KCND3: variants seen among roughly 807,000 people sequenced by gnomAD.
KCND3 encodes the protein potassium voltage-gated channel subfamily D member 3.
Under a neutral mutation model 51.1 loss-of-function variants are expected in KCND3, and 9 were observed. The ratio of observed to expected loss-of-function variants is 0.18; its 90% CI spans 0.11 to 0.31. The LOEUF is 0.31. Ranked by LOEUF, KCND3 falls within the 10% of genes least tolerant of loss-of-function variation. The probability of loss-of-function intolerance (pLI) is 1.00; values close to 1 mark genes in which losing one functional copy is unlikely to be tolerated. For synonymous variants in KCND3, 349 were observed against 368.0 expected, an observed-to-expected ratio of 0.95 and a Z score of 0.59; for missense variants, 526 against 903.8, an observed-to-expected ratio of 0.58 and a Z score of 5.36.
At chr1:111,889,843 G>A (rs1298611175) in intron 2 of KCND3, among the ~76,000 whole-genome samples, 2 of 152,158 alleles carry the variant, frequency 1.3e-5, no homozygotes, top group Admixed American at 6.5e-5. Context: ...GGAGGCCTGG[G>A]GAAGTCAGGG....
chr1:111,778,410 TC>T, intron 6 of KCND3, 25 bp downstream of exon 6: 5 of 1,600,318 alleles, frequency 3.1e-6, no homozygotes, highest in Non-Finnish European at 4.3e-6. Flanking sequence ...GAGAAAAACA[TC>T]AATTGAATTT....
At chr1:111,971,795 C>G (rs1485062614) in intron 2 of KCND3, among the ~76,000 whole-genome samples, 4 of 152,184 alleles carry the variant, frequency 2.6e-5, no homozygotes, top group Non-Finnish European at 5.9e-5. Flanking sequence ...ACCTCCATAC[C>G]TCTACTCATG....
At chr1:111,818,368 CAT>C (rs1387722419) in intron 2 of KCND3, among the ~76,000 whole-genome samples, 9 of 99,212 alleles carry the variant, frequency 9.1e-5, no homozygotes, top group Non-Finnish European at 2.2e-4. Context: ...AAGTGACTAA[CAT>C]CACACGTCAG....
intron 2 of KCND3, among the ~76,000 whole-genome samples, chr1:111,790,815 T>C (rs1010526811): frequency 6.6e-6 from 1 of 152,254 alleles, no homozygotes; most frequent in African/African-American, 2.4e-5. Flanking sequence ...TTCATGTGAA[T>C]GGAACCATAT....
chr1:111,886,148 G>A (rs973540215), intron 2 of KCND3, among the ~76,000 whole-genome samples: 3 of 152,190 alleles, frequency 2.0e-5, no homozygotes, highest in African/African-American at 7.2e-5. Context: ...TCAGGCTTGA[G>A]AGGTTCATGT....
intron 2 of KCND3, among the ~76,000 whole-genome samples, chr1:111,797,792 T>G (rs1290682380): frequency 2.0e-5 from 3 of 150,100 alleles, no homozygotes; most frequent in Admixed American, 6.7e-5. Flanking sequence ...TGAAGATTCT[T>G]CTGGGTTAAT....
At chr1:111,899,045 C>G (rs1051589324) in intron 2 of KCND3, among the ~76,000 whole-genome samples, 1 of 152,200 alleles carries the variant, frequency 6.6e-6, no homozygotes, top group African/African-American at 2.4e-5. Context: ...GGCAGGAGTA[C>G]TCTCTAAATC....
chr1:111,783,199 C>CAAAAAAAAAA (rs67241053), intron 3 of KCND3, among the ~76,000 whole-genome samples: 1 of 72,338 alleles, frequency 1.4e-5, no homozygotes. Context: ...AATTCAAAGA[C>CAAAAAAAAAA]AAAAAAAAAA....
intron 2 of KCND3, among the ~76,000 whole-genome samples, chr1:111,851,057 C>A (rs1030935035): frequency 3.9e-5 from 6 of 152,178 alleles, no homozygotes; most frequent in South Asian, 2.1e-4. Flanking sequence ...GACCTAATAA[C>A]CCCCACCCCT....
intron 2 of KCND3, among the ~76,000 whole-genome samples, chr1:111,793,061 C>T (rs1345120598): frequency 6.6e-6 from 1 of 151,686 alleles, no homozygotes; most frequent in Non-Finnish European, 1.5e-5. Flanking sequence ...AGGTGGGTTT[C>T]ACTATGTTGC....
At chr1:111,871,678 G>A (rs952316970) in intron 2 of KCND3, among the ~76,000 whole-genome samples, 4 of 152,178 alleles carry the variant, frequency 2.6e-5, no homozygotes, top group Non-Finnish European at 5.9e-5. Flanking sequence ...CTTCATCAAG[G>A]TTGGCAGATG....
rs114311287 is a variant in KCND3 at position 111,808,973 on chromosome 1, A to G, written c.1107-21867T>C. On this transcript the variant is annotated intron_variant, in intron 2 of 7. Transcript: ENST00000302127. ...TGAATGACCCCATCCTCCACCCCTAATCTGGATCATCTCAGACCCCTGGCC... is the reference window on the plus strand; with the variant it reads ...TGAATGACCCCATCCTCCACCCCTAGTCTGGATCATCTCAGACCCCTGGCC... Among the ~76,000 whole-genome samples the G allele has an allele frequency of 3.2e-3, 483 of 152,256 alleles. 7 individuals are homozygous for G. Among genetic ancestry groups the G allele is most frequent in the African/African-American group, 0.011 (468 of 41,552 alleles).
chr1:111,831,317 T>C (rs899032967), intron 2 of KCND3, among the ~76,000 whole-genome samples: 1 of 152,242 alleles, frequency 6.6e-6, no homozygotes, highest in Non-Finnish European at 1.5e-5. Flanking sequence ...AGAGGAGGGA[T>C]CTGGTGGGAG....
At chr1:111,950,089 T>C (rs1368863834) in intron 2 of KCND3, among the ~76,000 whole-genome samples, 1 of 152,036 alleles carries the variant, frequency 6.6e-6, no homozygotes, top group Admixed American at 6.5e-5. Flanking sequence ...TTTTGTATTT[T>C]CAGTAGAGAC....
chr1:111,944,887 T>A (rs1672704861), intron 2 of KCND3, among the ~76,000 whole-genome samples: 1 of 152,214 alleles, frequency 6.6e-6, no homozygotes, highest in South Asian at 2.1e-4. Flanking sequence ...GAACTCCCTG[T>A]CTTCACCGCC....
chr1:111,982,878 A>G lies in KCND3; in HGVS notation c.-72-80T>C. 1 of 1,114,352 alleles carries G rather than the reference A, an allele frequency of 9.0e-7. No homozygotes were observed. 69.0% of individuals were successfully genotyped at this position (1,114,352 alleles called of 1,614,324 possible). ...AAGAAATGGGACACAGGAAAGGATCACTGGTGAGTGAAACGGCCAAAGTCT... is the reference window on the plus strand; with the variant it reads ...AAGAAATGGGACACAGGAAAGGATCGCTGGTGAGTGAAACGGCCAAAGTCT... On this transcript the variant is annotated intron_variant, in intron 1 of 7. Transcript: ENST00000302127. This position sits in a 1 kb window ranked among gnomAD's most constrained non-coding sequence, Gnocchi z 8.5.
chr1:111,944,586 G>A (rs1312571038), intron 2 of KCND3, among the ~76,000 whole-genome samples: 2 of 152,212 alleles, frequency 1.3e-5, no homozygotes, highest in African/African-American at 4.8e-5. Context: ...TGGACCCTGG[G>A]GCCTCCCAGC....
intron 2 of KCND3, among the ~76,000 whole-genome samples, chr1:111,951,256 A>G (rs1673050956): frequency 6.6e-6 from 1 of 151,530 alleles, no homozygotes; most frequent in South Asian, 2.1e-4. Flanking sequence ...GAACATTTGC[A>G]TACATCTAAT....
chr1:111,813,802 G>T (rs1344655378), intron 2 of KCND3, among the ~76,000 whole-genome samples: 1 of 152,206 alleles, frequency 6.6e-6, no homozygotes, highest in Non-Finnish European at 1.5e-5. Flanking sequence ...GTGGCAGCTG[G>T]GATTCCTTTC....
Sources: allele counts gnomAD v4.1 joint callset (sites outside exome capture counted in the v4.1 genomes callset), GRCh38; gene constraint gnomAD v4.1.1; non-coding constraint Gnocchi (gnomAD v3.1); transcripts MANE v1.5; gene names NCBI Gene and HGNC (gene_info 2026-07-23, HGNC 2026-07-21).